Variants in EPHA3 observed in about 807,000 individuals in gnomAD.
EPHA3 encodes ephrin type-A receptor 3.
In EPHA3, 42 loss-of-function variants were observed where a neutral mutation model predicts 107.1. The ratio of observed to expected loss-of-function variants is 0.39; its 90% CI spans 0.31 to 0.51. EPHA3 has a LOEUF of 0.51. EPHA3 is among the 20% of genes least tolerant of loss of function. The probability of loss-of-function intolerance (pLI) is 0.78; values close to 1 mark genes in which losing one functional copy is unlikely to be tolerated. For missense variants in EPHA3, 1,183 were observed against 1,211.2 expected (o/e 0.98, Z 0.35); for synonymous variants, 461 against 424.8 (o/e 1.09, Z -1.05).
intron 3 of EPHA3, among the ~76,000 whole-genome samples, chr3:89,277,594 G>A (rs1576284223): frequency 1.3e-5 from 2 of 152,062 alleles, no homozygotes; most frequent in South Asian, 4.1e-4. Context: ...TGTCACTGGG[G>A]TAGCATACTC....
intron 5 of EPHA3, among the ~76,000 whole-genome samples, chr3:89,385,947 GC>G (rs1343734244): frequency 6.6e-6 from 1 of 152,184 alleles, no homozygotes; most frequent in Non-Finnish European, 1.5e-5. Flanking sequence ...CTTGTTGGCA[GC>G]CGGAATAAAG....
intron 3 of EPHA3, among the ~76,000 whole-genome samples, chr3:89,316,505 A>ATATATATATAT (rs1553681524): frequency 1.9e-5 from 2 of 104,132 alleles, no homozygotes; most frequent in African/African-American, 7.0e-5. Flanking sequence ...GTGTGTGTGT[A>ATATATATATAT]ATATATATAT....
intron 11 of EPHA3, among the ~76,000 whole-genome samples, chr3:89,419,658 G>T (rs1709318440): frequency 6.6e-6 from 1 of 151,422 alleles, no homozygotes; most frequent in South Asian, 2.1e-4. Flanking sequence ...CTGATTAGCA[G>T]ACAGTTAAGA....
intron 3 of EPHA3, among the ~76,000 whole-genome samples, chr3:89,299,653 C>A (rs1706437936): frequency 6.6e-6 from 1 of 151,932 alleles, no homozygotes; most frequent in Non-Finnish European, 1.5e-5. Context: ...AATAAGTATT[C>A]TATCCAAGAT....
chr3:89,154,341 G>T (rs1704751899), intron 2 of EPHA3, among the ~76,000 whole-genome samples: 1 of 150,708 alleles, frequency 6.6e-6, no homozygotes, highest in Non-Finnish European at 1.5e-5. Context: ...ATAGATATCT[G>T]TTAAATGCAT....
chr3:89,415,333 A>G (rs1215114654), intron 10 of EPHA3, among the ~76,000 whole-genome samples: 1 of 150,482 alleles, frequency 6.6e-6, no homozygotes, highest in Non-Finnish European at 1.5e-5. Context: ...TACATTCTTA[A>G]TCTTAAAAAA....
intron 16 of EPHA3, among the ~76,000 whole-genome samples, chr3:89,473,264 A>T (rs1166069230): frequency 6.6e-6 from 1 of 152,212 alleles, no homozygotes; most frequent in Non-Finnish European, 1.5e-5. Flanking sequence ...ATATTAATTG[A>T]TAGCTTTATG....
chr3:89,239,071 G>A (rs981232850), intron 3 of EPHA3, among the ~76,000 whole-genome samples: 2 of 152,158 alleles, frequency 1.3e-5, no homozygotes, highest in South Asian at 4.1e-4. Context: ...AAGTCACACA[G>A]TATGCGAGAG....
intron 5 of EPHA3, among the ~76,000 whole-genome samples, chr3:89,384,705 G>C (rs566744768): frequency 1.3e-5 from 2 of 152,270 alleles, no homozygotes; most frequent in Admixed American, 6.5e-5. Flanking sequence ...TTGAATTTCA[G>C]TTGTCTCATG....
chr3:89,258,106 A>G (rs191209171), intron 3 of EPHA3, among the ~76,000 whole-genome samples: 3 of 152,328 alleles, frequency 2.0e-5, no homozygotes, highest in East Asian at 1.9e-4. Context: ...ACAATTACTT[A>G]TCTCATGTTC....
intron 4 of EPHA3, 118 bp from the exon 5 acceptor site, chr3:89,341,637 G>A: frequency 1.2e-6 from 1 of 811,610 alleles, no homozygotes; most frequent in Non-Finnish European, 1.9e-6. Flanking sequence ...TGAACTGAAA[G>A]TTGATAATAA....
At chr3:89,250,439 C>A (rs758530333) in intron 3 of EPHA3, among the ~76,000 whole-genome samples, 2 of 152,272 alleles carry the variant, frequency 1.3e-5, no homozygotes, top group African/African-American at 2.4e-5. Flanking sequence ...TGTCATCGTA[C>A]CTTTATCTAC....
chr3:89,431,180 C>G lies in EPHA3; in HGVS notation c.2167C>G (p.Leu723Val), dbSNP rs375846678. 3 of 1,613,770 alleles carry G rather than the reference C, an allele frequency of 1.9e-6. No homozygotes were observed. The African/African-American group carries it at 4.0e-5, about 22-fold the overall frequency. ...KHDAQFTVIQLVGMLRGIASG... is the reference protein window; with the variant it reads ...KHDAQFTVIQVVGMLRGIASG... ...CGATGCCCAGTTTACTGTCATTCAGCTAGTGGGGATGCTTCGAGGGATAGC... is the reference window on the plus strand; with the variant it reads ...CGATGCCCAGTTTACTGTCATTCAGGTAGTGGGGATGCTTCGAGGGATAGC... The change falls in exon 13 of 17, where the codon CTA becomes GTA. Residue 723 changes from leucine (L) to valine (V), a missense_variant. Transcript: ENST00000336596.
intron 5 of EPHA3, among the ~76,000 whole-genome samples, chr3:89,359,490 A>G (rs1256835968): frequency 1.3e-5 from 2 of 150,504 alleles, no homozygotes; most frequent in African/African-American, 2.4e-5. Flanking sequence ...CTTGTTGGGT[A>G]GTACTTAAGG....
intron 3 of EPHA3, among the ~76,000 whole-genome samples, chr3:89,314,637 A>C (rs1559643582): frequency 6.6e-6 from 1 of 151,988 alleles, no homozygotes. Flanking sequence ...CATAAGATGC[A>C]TTCAGCTATC....
intron 3 of EPHA3, among the ~76,000 whole-genome samples, chr3:89,319,684 C>T (rs1376773638): frequency 6.6e-6 from 1 of 151,854 alleles, no homozygotes; most frequent in Admixed American, 6.6e-5. Flanking sequence ...AGGAGAGAGC[C>T]TTTTATCGTT....
At chr3:89,135,690 T>C (rs1704295935) in intron 2 of EPHA3, among the ~76,000 whole-genome samples, 1 of 151,508 alleles carries the variant, frequency 6.6e-6, no homozygotes, top group African/African-American at 2.4e-5. Flanking sequence ...TTACATTGTC[T>C]TTTTTACTAG....
At chr3:89,455,229 G>A (rs940067499) in intron 15 of EPHA3, among the ~76,000 whole-genome samples, 1 of 152,122 alleles carries the variant, frequency 6.6e-6, no homozygotes, top group Non-Finnish European at 1.5e-5. Flanking sequence ...GGCCGTGATG[G>A]GCGATAAAGG....
At chr3:89,391,936 A>G (rs1385893864) in intron 5 of EPHA3, among the ~76,000 whole-genome samples, 1 of 152,132 alleles carries the variant, frequency 6.6e-6, no homozygotes, top group Non-Finnish European at 1.5e-5. Flanking sequence ...CATACCAGAC[A>G]TTATTTTAAA....
Sources: allele counts gnomAD v4.1 joint callset (sites outside exome capture counted in the v4.1 genomes callset), GRCh38; gene constraint gnomAD v4.1.1; transcripts MANE v1.5; gene names NCBI Gene and HGNC (gene_info 2026-07-23, HGNC 2026-07-21).